The following ABRAXAS2 variants were observed in gnomAD, a reference collection of about 807,000 sequenced individuals.
ABRAXAS2 encodes the protein abraxas 2, BRISC complex subunit, also known as BRISC complex subunit Abraxas 2.
A neutral mutation model predicts 49.0 loss-of-function variants in ABRAXAS2; 23 were observed. The ratio of observed to expected loss-of-function variants is 0.47; its 90% CI spans 0.34 to 0.66. The LOEUF is 0.66. Among genes scored for constraint, ABRAXAS2 ranks in the 30% least tolerant of loss-of-function variants. The pLI is 0.01. For missense variants in ABRAXAS2, 443 were observed against 511.9 expected (o/e 0.87, Z 1.30); for synonymous variants, 168 against 180.2 (o/e 0.93, Z 0.54).
intron 7 of ABRAXAS2, among the ~76,000 whole-genome samples, chr10:124,830,273 T>C: frequency 6.6e-6 from 1 of 152,084 alleles, no homozygotes; most frequent in Non-Finnish European, 1.5e-5. Context: ...AATGAGACCC[T>C]ATTTCTACAA....
At chr10:124,831,956 G>A (rs1295405994) in intron 8 of ABRAXAS2, among the ~76,000 whole-genome samples, 1 of 142,778 alleles carries the variant, frequency 7.0e-6, no homozygotes, top group Non-Finnish European at 1.5e-5. Context: ...GGGTTCAAAC[G>A]ATTCTCCTGC....
chr10:124,806,752 T>C (rs1589801935), intron 1 of ABRAXAS2, 79 bp from the exon 2 acceptor site: 1 of 902,556 alleles, frequency 1.1e-6, no homozygotes, highest in South Asian at 1.6e-5. Flanking sequence ...TATAAATTTA[T>C]ATGTCCTCAA....
At chr10:124,817,158 T>C (rs1395291610) in intron 3 of ABRAXAS2, among the ~76,000 whole-genome samples, 1 of 152,156 alleles carries the variant, frequency 6.6e-6, no homozygotes, top group Non-Finnish European at 1.5e-5. Flanking sequence ...GTTATGTGAA[T>C]GTGTCCACTC....
chr10:124,832,070 T>C (rs186095482), intron 8 of ABRAXAS2, among the ~76,000 whole-genome samples: 79 of 152,042 alleles, frequency 5.2e-4, no homozygotes, highest in African/African-American at 1.1e-3. Context: ...TTTCACCATG[T>C]TGGCCAGGCT....
intron 8 of ABRAXAS2, among the ~76,000 whole-genome samples, chr10:124,831,850 T>C (rs1286443645): frequency 1.5e-5 from 2 of 133,682 alleles, no homozygotes; most frequent in African/African-American, 5.7e-5. Flanking sequence ...GTCTTTTTTT[T>C]TTTTTTTTTT....
intron 4 of ABRAXAS2, among the ~76,000 whole-genome samples, chr10:124,822,487 A>G (rs1329006436): frequency 6.6e-6 from 1 of 152,134 alleles, no homozygotes; most frequent in Non-Finnish European, 1.5e-5. Context: ...ATAATTGAAA[A>G]TAAATTGAAA....
intron 4 of ABRAXAS2, among the ~76,000 whole-genome samples, chr10:124,820,586 GTTC>G (rs1950856127): frequency 1.3e-5 from 2 of 152,018 alleles, no homozygotes; most frequent in South Asian, 4.2e-4. Context: ...GGTTCAAGCA[GTTC>G]TTCTGCCTCA....
intron 2 of ABRAXAS2, chr10:124,814,888 G>A (rs139067922): frequency 0.036 from 5,386 of 149,920 alleles, 135 homozygotes; most frequent in Non-Finnish European, 0.047. Context: ...CTCGTGATCC[G>A]CCCACCTCAG....
At chr10:124,806,768 C>G in intron 1 of ABRAXAS2, 63 bp from the exon 2 acceptor site, 1 of 1,125,286 alleles carries the variant, frequency 8.9e-7, no homozygotes, top group Non-Finnish European at 1.3e-6. Context: ...CTCAATTCCT[C>G]TTAATTTCAG....
At position 124,836,645 on chromosome 10, in the gene ABRAXAS2, A is replaced by G. The variant is rs1291174656; in HGVS notation, c.*1674A>G. ...ATCTGACAAAGCAGTTAAATGTGAC[A>G]ATAAAAAACTTATTTAATCATGGTA... On this transcript the variant is annotated 3_prime_UTR_variant, in exon 9 of 9. Coordinates refer to ENST00000298492, the MANE Select transcript of ABRAXAS2 (RefSeq NM_032182.4). The G allele has an allele frequency of 6.6e-6, 1 of 152,624 alleles. No homozygotes were observed. Among genetic ancestry groups the G allele is most frequent in the African/African-American group, 2.4e-5 (1 of 41,444 alleles). 9.5% of individuals were successfully genotyped at this position (152,624 alleles called of 1,614,324 possible).
At chr10:124,814,313 G>T (rs1950809327) in intron 2 of ABRAXAS2, among the ~76,000 whole-genome samples, 1 of 151,524 alleles carries the variant, frequency 6.6e-6, no homozygotes, top group African/African-American at 2.4e-5. Context: ...GTGATAAAAA[G>T]AAGGAAATAT....
chr10:124,805,439 A>G (rs1950735972), intron 1 of ABRAXAS2, among the ~76,000 whole-genome samples: 1 of 152,180 alleles, frequency 6.6e-6, no homozygotes, highest in African/African-American at 2.4e-5. Flanking sequence ...AATTGATTTG[A>G]AGGATCAACT....
chr10:124,805,027 A>C (rs1317458335), intron 1 of ABRAXAS2, among the ~76,000 whole-genome samples: 1 of 151,938 alleles, frequency 6.6e-6, no homozygotes, highest in African/African-American at 2.4e-5. Context: ...GTATTTCCTA[A>C]GTTTAAGAAA....
At chr10:124,831,842 CTTTTTTTTTTTTTTT>C (rs71029219) in intron 8 of ABRAXAS2, among the ~76,000 whole-genome samples, 2 of 37,698 alleles carry the variant, frequency 5.3e-5, no homozygotes, top group South Asian at 1.5e-3. Flanking sequence ...TGTGTCCTGT[CTTTTTTTTTTTTTTT>C]TTTTTTTTTT....
chr10:124,801,984 C>T, intron 1 of ABRAXAS2, 83 bp downstream of exon 1: 2 of 1,423,364 alleles, frequency 1.4e-6, no homozygotes, highest in Non-Finnish European at 2.0e-6. Context: ...GCCGGGACCT[C>T]ATGCGGCTCG....
chr10:124,804,405 CTT>C (rs1950726734), intron 1 of ABRAXAS2, among the ~76,000 whole-genome samples: 1 of 152,138 alleles, frequency 6.6e-6, no homozygotes, highest in Non-Finnish European at 1.5e-5. Context: ...TGTCTTGTAT[CTT>C]TTGCTAAATC....
intron 2 of ABRAXAS2, 64 bp from the exon 3 acceptor site, chr10:124,816,512 C>G (rs1034902731): frequency 4.2e-5 from 49 of 1,160,840 alleles, no homozygotes; most frequent in Non-Finnish European, 5.9e-5. Flanking sequence ...AAGTCCTGAG[C>G]TATTTTATAG....
chr10:124,807,607 C>A (rs1001435164), intron 2 of ABRAXAS2, among the ~76,000 whole-genome samples: 1 of 152,196 alleles, frequency 6.6e-6, no homozygotes, highest in African/African-American at 2.4e-5. Context: ...GAGCCAAGAT[C>A]TTGTCTCAAA....
chr10:124,820,550 C>T (rs997886774), intron 4 of ABRAXAS2, among the ~76,000 whole-genome samples: 1 of 151,956 alleles, frequency 6.6e-6, no homozygotes, highest in Non-Finnish European at 1.5e-5. Context: ...GGCGCGATCT[C>T]GGCTCACTAC....
Sources: gnomAD v4.1 joint callset for allele counts (sites outside exome capture counted in the v4.1 genomes callset) on GRCh38, gnomAD v4.1.1 for gene constraint, MANE v1.5 for transcripts, NCBI Gene and HGNC (gene_info 2026-07-23, HGNC 2026-07-21) for gene names.